The following PSPC1 variants were observed in gnomAD, a reference collection of about 807,000 sequenced individuals.
PSPC1 encodes paraspeckle component 1.
Under a neutral mutation model 51.6 loss-of-function variants are expected in PSPC1, and 14 were observed. The observed-to-expected ratio is 0.27, with a 90% CI of 0.18 to 0.42. The LOEUF (loss-of-function observed/expected upper bound fraction) is 0.42. PSPC1 is among the 10% of genes least tolerant of loss of function. The probability of loss-of-function intolerance (pLI) is 1.00; values close to 1 mark genes in which losing one functional copy is unlikely to be tolerated. For synonymous variants in PSPC1, 193 were observed against 231.9 expected (o/e 0.83, Z 1.53); for missense variants, 406 against 701.1 (o/e 0.58, Z 4.75).
chr13:19,716,711 C>T (rs917243078), intron 6 of PSPC1, among the ~76,000 whole-genome samples: 2 of 151,880 alleles, frequency 1.3e-5, no homozygotes, highest in African/African-American at 2.4e-5. Flanking sequence ...AGGATTCAGC[C>T]TTTTTAATCA....
chr13:19,742,531 G>T (rs1369274885), intron 4 of PSPC1, among the ~76,000 whole-genome samples: 2 of 152,162 alleles, frequency 1.3e-5, no homozygotes, highest in African/African-American at 4.8e-5. Flanking sequence ...CTGAGGTTGG[G>T]AGTTCGAGAC....
At chr13:19,726,716 C>T (rs1203477207) in intron 6 of PSPC1, among the ~76,000 whole-genome samples, 2 of 152,280 alleles carry the variant, frequency 1.3e-5, no homozygotes, top group African/African-American at 4.8e-5. Context: ...CATATCAAGA[C>T]CCCATCTCTA....
intron 6 of PSPC1, among the ~76,000 whole-genome samples, chr13:19,718,887 G>C (rs1361064508): frequency 7.9e-5 from 12 of 152,016 alleles, no homozygotes; most frequent in Admixed American, 6.5e-4. Flanking sequence ...GCTGTATACT[G>C]TATGATTCCA....
chr13:19,767,386 A>G (rs1354785312), intron 2 of PSPC1, among the ~76,000 whole-genome samples: 1 of 152,108 alleles, frequency 6.6e-6, no homozygotes, highest in African/African-American at 2.4e-5. Flanking sequence ...GAGCCAGGAA[A>G]CAAAATTTTT....
intron 6 of PSPC1, among the ~76,000 whole-genome samples, chr13:19,713,216 A>C (rs1881657241): frequency 6.6e-6 from 1 of 152,216 alleles, no homozygotes; most frequent in Non-Finnish European, 1.5e-5. Context: ...TTATTACATT[A>C]CAAAAAATTA....
downstream of PSPC1, chr13:19,672,152 CT>C: frequency 5.4e-6 from 2 of 371,516 alleles, no homozygotes; most frequent in Non-Finnish European, 9.8e-6. Context: ...ACTTCACTTT[CT>C]TTTTTCTGGA....
intron 7 of PSPC1, among the ~76,000 whole-genome samples, chr13:19,677,076 T>C (rs7995142): frequency 0.021 from 3,215 of 151,876 alleles, 101 homozygotes; most frequent in African/African-American, 0.065. Context: ...CTACTAAAAA[T>C]ACAAAAATTA....
intron 6 of PSPC1, among the ~76,000 whole-genome samples, chr13:19,689,285 G>A (rs1878287381): frequency 6.6e-6 from 1 of 152,144 alleles, no homozygotes; most frequent in African/African-American, 2.4e-5. Flanking sequence ...ATAAAAACAG[G>A]ATGATAACGA....
At chr13:19,696,287 T>TCTTA (rs955343655) in intron 6 of PSPC1, among the ~76,000 whole-genome samples, 10 of 152,170 alleles carry the variant, frequency 6.6e-5, no homozygotes, top group Non-Finnish European at 8.8e-5. Context: ...ATATAGATAT[T>TCTTA]CTTAACATAC....
chr13:19,716,984 G>T (rs1196317183), intron 6 of PSPC1, among the ~76,000 whole-genome samples: 3 of 151,928 alleles, frequency 2.0e-5, no homozygotes, highest in Admixed American at 6.6e-5. Flanking sequence ...GAGGTCAGGG[G>T]ATCGAGACCA....
At chr13:19,714,511 T>C (rs2137808048) in intron 6 of PSPC1, among the ~76,000 whole-genome samples, 1 of 151,622 alleles carries the variant, frequency 6.6e-6, no homozygotes, top group Middle Eastern at 3.4e-3. Context: ...TTTTTTTTTT[T>C]TCCTTTGTCA....
intron 3 of PSPC1, among the ~76,000 whole-genome samples, chr13:19,756,851 C>T (rs1377261045): frequency 6.6e-6 from 1 of 151,842 alleles, no homozygotes. Flanking sequence ...AGTCAGTCGC[C>T]GGGCATGGTG....
At chr13:19,735,293 A>G (rs1884652860) in intron 5 of PSPC1, among the ~76,000 whole-genome samples, 1 of 152,190 alleles carries the variant, frequency 6.6e-6, no homozygotes, top group Non-Finnish European at 1.5e-5. Context: ...CCTGGGCGAC[A>G]AGAACGAAAC....
At chr13:19,732,264 T>C (rs573665446) in intron 5 of PSPC1, among the ~76,000 whole-genome samples, 27 of 152,310 alleles carry the variant, frequency 1.8e-4, no homozygotes, top group African/African-American at 6.3e-4. Flanking sequence ...GGTTAATCCA[T>C]TTCCTGGATA....
At chr13:19,742,609 C>T (rs2138048901) in intron 4 of PSPC1, among the ~76,000 whole-genome samples, 1 of 152,224 alleles carries the variant, frequency 6.6e-6, no homozygotes, top group South Asian at 2.1e-4. Context: ...TATGGAGGTG[C>T]ACGCCTGTAA....
At chr13:19,757,859 A>AGGT (rs990063046) in intron 3 of PSPC1, among the ~76,000 whole-genome samples, 15 of 152,166 alleles carry the variant, frequency 9.9e-5, no homozygotes, top group Non-Finnish European at 2.9e-5. Context: ...GAGGAAAGGG[A>AGGT]GGTGGGACAG....
intron 3 of PSPC1, among the ~76,000 whole-genome samples, chr13:19,756,663 C>G (rs1887104984): frequency 6.6e-6 from 1 of 151,996 alleles, no homozygotes; most frequent in African/African-American, 2.4e-5. Flanking sequence ...CCACACCCGG[C>G]TGATTTTTGT....
chr13:19,674,299 T>TTAGA (rs775834066), downstream of PSPC1, among the ~76,000 whole-genome samples: 5 of 152,292 alleles, frequency 3.3e-5, no homozygotes, highest in African/African-American at 9.6e-5. Context: ...ATAACTACAA[T>TTAGA]TAGATATGAG....
chr13:19,709,485 A>G (rs1328909525), intron 7 of PSPC1, 57 bp downstream of exon 7: 2 of 1,349,018 alleles, frequency 1.5e-6, no homozygotes, highest in Non-Finnish European at 1.0e-6. Flanking sequence ...CACAAACAGC[A>G]TAAACAGTCC....
Sources: gnomAD v4.1 joint callset for allele counts (sites outside exome capture counted in the v4.1 genomes callset) on GRCh38, gnomAD v4.1.1 for gene constraint, MANE v1.5 for transcripts, NCBI Gene and HGNC (gene_info 2026-07-23, HGNC 2026-07-21) for gene names.